PARD3: variants seen among roughly 807,000 people sequenced by gnomAD.
PARD3 encodes par-3 family cell polarity regulator.
In PARD3, 75 loss-of-function variants were observed where a neutral mutation model predicts 155.4. The observed-to-expected ratio is 0.48, with a 90% CI of 0.40 to 0.58. The LOEUF is 0.58. PARD3 is among the 20% of genes least tolerant of loss of function. The pLI, the probability that PARD3 is intolerant of heterozygous loss-of-function variation, is 0.00. For synonymous variants in PARD3, 576 were observed against 610.5 expected, an observed-to-expected ratio of 0.94 and a Z score of 0.83; for missense variants, 1,642 against 1,721.7, an observed-to-expected ratio of 0.95 and a Z score of 0.82.
At chr10:34,607,767 C>T (rs1311985800) in intron 2 of PARD3, among the ~76,000 whole-genome samples, 1 of 152,170 alleles carries the variant, frequency 6.6e-6, no homozygotes, top group Non-Finnish European at 1.5e-5. Context: ...GCTAAGTCAA[C>T]TCCCACGCCA....
intron 12 of PARD3, among the ~76,000 whole-genome samples, chr10:34,363,659 T>C (rs1052401978): frequency 5.3e-5 from 8 of 152,210 alleles, no homozygotes; most frequent in African/African-American, 1.9e-4. Context: ...TGCTATTCCA[T>C]CCAAATTCTG....
At chr10:34,169,238 T>C (rs1032028351) in intron 22 of PARD3, among the ~76,000 whole-genome samples, 3 of 152,208 alleles carry the variant, frequency 2.0e-5, no homozygotes, top group Non-Finnish European at 2.9e-5. Context: ...AGAAGATCTG[T>C]ACAATCTTTA....
At chr10:34,481,792 A>C in intron 3 of PARD3, among the ~76,000 whole-genome samples, 1 of 151,448 alleles carries the variant, frequency 6.6e-6, no homozygotes. Flanking sequence ...ACTGTAGAAA[A>C]GTAGAAAAAA....
intron 12 of PARD3, among the ~76,000 whole-genome samples, chr10:34,371,903 T>C (rs1840707139): frequency 6.6e-6 from 1 of 152,148 alleles, no homozygotes; most frequent in South Asian, 2.1e-4. Context: ...TTCTGCCTGC[T>C]GGAACTAAGC....
chr10:34,629,445 G>A (rs1390811966), intron 2 of PARD3, among the ~76,000 whole-genome samples: 3 of 152,214 alleles, frequency 2.0e-5, no homozygotes, highest in South Asian at 2.1e-4. Flanking sequence ...GTGTATGTGT[G>A]TGCATGTGCA....
intron 22 of PARD3, among the ~76,000 whole-genome samples, chr10:34,170,979 G>T (rs1411182701): frequency 6.6e-6 from 1 of 152,186 alleles, no homozygotes; most frequent in East Asian, 1.9e-4. Context: ...ATCAAGCCAG[G>T]TCGTCTTATC....
At chr10:34,361,858 T>C (rs1031374183) in intron 12 of PARD3, among the ~76,000 whole-genome samples, 2 of 152,172 alleles carry the variant, frequency 1.3e-5, no homozygotes, top group Admixed American at 1.3e-4. Flanking sequence ...ACTTATATAA[T>C]GAAGAACTCA....
At chr10:34,468,156 G>C (rs1222823151) in intron 4 of PARD3, among the ~76,000 whole-genome samples, 3 of 152,176 alleles carry the variant, frequency 2.0e-5, no homozygotes, top group Non-Finnish European at 4.4e-5. Flanking sequence ...CGAAAGCAGA[G>C]AGGGTAGCTC....
intron 2 of PARD3, among the ~76,000 whole-genome samples, chr10:34,622,827 CTT>C (rs567045063): frequency 2.3e-4 from 26 of 113,470 alleles, no homozygotes; most frequent in Admixed American, 3.5e-4. Flanking sequence ...TTCTTTTTTT[CTT>C]TTTTTTTTTT....
intron 21 of PARD3, among the ~76,000 whole-genome samples, chr10:34,280,527 T>C (rs1956107381): frequency 6.6e-6 from 1 of 152,032 alleles, no homozygotes; most frequent in Non-Finnish European, 1.5e-5. Flanking sequence ...AAGAGAAAAC[T>C]GAAAAAGGAG....
intron 22 of PARD3, among the ~76,000 whole-genome samples, chr10:34,175,872 A>AGTT (rs1336315215): frequency 1.4e-4 from 22 of 152,232 alleles, no homozygotes; most frequent in Non-Finnish European, 1.0e-4. Flanking sequence ...ATTGCTAAAC[A>AGTT]GAACAGGTGT....
intron 1 of PARD3, among the ~76,000 whole-genome samples, chr10:34,732,531 G>A (rs1036623582): frequency 2.0e-5 from 3 of 152,004 alleles, no homozygotes; most frequent in African/African-American, 7.2e-5. Context: ...CCATTTCTAC[G>A]AAAAAATTTT....
intron 2 of PARD3, among the ~76,000 whole-genome samples, chr10:34,546,535 T>G (rs1302337665): frequency 8.8e-6 from 1 of 113,898 alleles, no homozygotes; most frequent in Non-Finnish European, 1.8e-5. Context: ...AAAAGTGGAA[T>G]TTTGTTGTTG....
chr10:34,472,697 T>C (rs1231066032), intron 3 of PARD3, among the ~76,000 whole-genome samples: 1 of 152,138 alleles, frequency 6.6e-6, no homozygotes. Context: ...GAGGAGGCCT[T>C]TAAAAAATAG....
intron 1 of PARD3, among the ~76,000 whole-genome samples, chr10:34,812,063 A>G (rs1438239948): frequency 6.6e-6 from 1 of 152,212 alleles, no homozygotes; most frequent in Non-Finnish European, 1.5e-5. Context: ...GCCTTCAAAT[A>G]TCTACTCACT....
intron 3 of PARD3, among the ~76,000 whole-genome samples, chr10:34,499,686 T>C (rs1265624589): frequency 6.6e-6 from 1 of 152,204 alleles, no homozygotes; most frequent in Non-Finnish European, 1.5e-5. Context: ...TGAAATGAAT[T>C]AAGCATACTC....
At chr10:34,642,536 C>T (rs923059937) in intron 2 of PARD3, among the ~76,000 whole-genome samples, 3 of 152,108 alleles carry the variant, frequency 2.0e-5, no homozygotes, top group African/African-American at 4.8e-5. Context: ...CAGGCCTCTC[C>T]TAAGCCCCTA....
chr10:34,541,525 A>C (rs2083611273), intron 2 of PARD3, among the ~76,000 whole-genome samples: 1 of 152,216 alleles, frequency 6.6e-6, no homozygotes, highest in Non-Finnish European at 1.5e-5. Flanking sequence ...CCAAGAAGGC[A>C]CAACCTTTTC....
intron 2 of PARD3, among the ~76,000 whole-genome samples, chr10:34,675,062 T>A (rs930715295): frequency 3.9e-5 from 6 of 152,200 alleles, no homozygotes; most frequent in African/African-American, 1.4e-4. Flanking sequence ...CACAATTACC[T>A]CAAGGCCTTA....
Sources: gnomAD v4.1 joint callset for allele counts (sites outside exome capture counted in the v4.1 genomes callset) on GRCh38, gnomAD v4.1.1 for gene constraint, MANE v1.5 for transcripts, NCBI Gene and HGNC (gene_info 2026-07-23, HGNC 2026-07-21) for gene names.